PRRC2C: variants seen among roughly 807,000 people sequenced by gnomAD.
PRRC2C encodes protein PRRC2C.
A neutral mutation model predicts 317.2 loss-of-function variants in PRRC2C; 72 were observed. That is an observed-to-expected ratio of 0.23 (90% CI 0.19 to 0.28). The LOEUF is 0.28. Ranked by LOEUF, PRRC2C falls within the 10% of genes least tolerant of loss-of-function variation. The pLI is 1.00. For synonymous variants in PRRC2C, 1,296 were observed against 1,205.9 expected, an observed-to-expected ratio of 1.07 and a Z score of -1.55; for missense variants, 3,074 against 3,459.7, an observed-to-expected ratio of 0.89 and a Z score of 2.80.
Position 171,557,526 on chromosome 1 carries a change from C to T in PRRC2C, c.5414C>T (p.Ala1805Val), listed in dbSNP as rs376907162. The T allele has an allele frequency of 3.2e-6, 5 of 1,551,470 alleles. No homozygotes were observed. Among genetic ancestry groups the T allele is most frequent in the Non-Finnish European group, 3.5e-6 (4 of 1,146,972 alleles). Residue 1805 changes from alanine to valine, a missense_variant, in exon 19 of 35, where the codon GCC becomes GTC. Transcript: ENST00000647382. ...GCCTCAACCTCAGCTCCAGTTCCAGCCTCACCCTTAGCTCCAGTTTCAGCC... is the reference window on the plus strand; with the variant it reads ...GCCTCAACCTCAGCTCCAGTTCCAGTCTCACCCTTAGCTCCAGTTTCAGCC... Reference protein sequence around the residue: ...VLASTSAPVPASPLAPVSASA... With the variant: ...VLASTSAPVPVSPLAPVSASA...
At chr1:171,566,946 A>G (rs1174595363) in intron 22 of PRRC2C, 103 bp downstream of exon 22, 9 of 1,258,482 alleles carry the variant, frequency 7.2e-6, no homozygotes, top group African/African-American at 3.0e-5. Context: ...GCTGAGGCAT[A>G]TAACTCTATA....
In PRRC2C at chr1:171,558,172, G is replaced by A. The variant is rs780339605; in HGVS notation, c.6031+29G>A. ...AGTTGCAAAAGAGAAGTGAGGGGTG[G>A]GGAATGGCATAGGAATACTGAGGTT... On this transcript the variant is annotated intron_variant, in intron 19 of 34. Transcript: ENST00000647382. The A allele has an allele frequency of 5.0e-6, 8 of 1,584,708 alleles. No individual in the cohort carries two copies. The Admixed American group carries it at 8.7e-5, about 17-fold the overall frequency.
intron 22 of PRRC2C, 115 bp from the exon 23 acceptor site, chr1:171,568,132 C>A: frequency 7.4e-7 from 1 of 1,353,196 alleles, no homozygotes. Context: ...TTGCAGTGAG[C>A]TGAGATCATG....
At chr1:171,539,646 A>T (rs748714688) in intron 15 of PRRC2C, among the ~76,000 whole-genome samples, 5 of 152,118 alleles carry the variant, frequency 3.3e-5, no homozygotes, top group Non-Finnish European at 7.4e-5. Flanking sequence ...GTCCTGACTG[A>T]CTGACTTCAC....
In PRRC2C at chr1:171,540,407, C is replaced by T. The variant is rs1176837023; in HGVS notation, c.2941C>T (p.Pro981Ser). The change falls in exon 16 of 35, where the codon CCA (proline) becomes TCA (serine). Residue 981 changes from proline (P) to serine (S), a missense_variant. This residue lies in a region of PRRC2C where 1,320 missense variants were observed against 1,395.7 expected (regional missense o/e 0.95). Transcript: ENST00000647382. ...KEGFIRSSEGPKPEKVYKSKS... is the reference protein window; with the variant it reads ...KEGFIRSSEGSKPEKVYKSKS... ...AGGCTTTATACGATCTTCTGAAGGA[C>T]CAAAACCTGAAAAAGTATATAAATC... 1 of 1,613,066 alleles carries T rather than the reference C, an allele frequency of 6.2e-7. No homozygotes were observed. Among genetic ancestry groups the T allele is most frequent in the Non-Finnish European group, 8.5e-7 (1 of 1,179,584 alleles).
At position 171,593,004 on chromosome 1, in the gene PRRC2C, T is replaced by A. The variant is rs981261167; in HGVS notation, c.*1157T>A. On this transcript the variant is annotated 3_prime_UTR_variant, in exon 35 of 35. Coordinates refer to ENST00000647382, the MANE Select transcript of PRRC2C (RefSeq NM_001387844.1). ...GACCGTGCTTTATCAGAGCTGTTTT[T>A]AATGATGTTATTCTAGAATGTTTTC... 2 of 152,116 alleles carry A rather than the reference T, an allele frequency of 1.3e-5. No homozygotes were observed. The highest frequency in any genetic ancestry group is 4.8e-5 in the African/African-American group (2 of 41,446). 9.4% of individuals were successfully genotyped at this position (152,116 alleles called of 1,614,324 possible). A position where few individuals can be genotyped will look rare whatever the true frequency, so the allele number is the denominator to read the frequency against.
chr1:171,547,488 A>G (rs373193316), intron 17 of PRRC2C, among the ~76,000 whole-genome samples: 3 of 152,156 alleles, frequency 2.0e-5, no homozygotes, highest in South Asian at 2.1e-4. Flanking sequence ...ATCCTTTGAA[A>G]TGTTTGACTT....
At chr1:171,532,141 C>T (rs749750463) in intron 11 of PRRC2C, among the ~76,000 whole-genome samples, 54 of 152,082 alleles carry the variant, frequency 3.6e-4, no homozygotes, top group African/African-American at 1.1e-3. Context: ...AACATTGGAC[C>T]GCTGGATTAA....
Position 171,514,580 on chromosome 1 carries a change from C to A in PRRC2C, c.335C>A (p.Ala112Asp). ...GCACAGCCAAAACCTGGGGTTGCAGCTCCCCCAGAAGTAGCACCTGCTCCC... is the reference window on the plus strand; with the variant it reads ...GCACAGCCAAAACCTGGGGTTGCAGATCCCCCAGAAGTAGCACCTGCTCCC... ...PPAQPKPGVA[A>D]PPEVAPAPKS... Residue 112 changes from alanine to aspartate, a missense_variant, in exon 4 of 35, where the codon GCT (alanine) becomes GAT (aspartate). This residue lies in a region of PRRC2C where 237 missense variants were observed against 199.5 expected (regional missense o/e 1.19). Coordinates refer to ENST00000647382, the MANE Select transcript of PRRC2C (RefSeq NM_001387844.1). 1.3e-6 allele frequency: 2 copies of A among 1,560,892 alleles called. No individual in the cohort carries two copies. Among genetic ancestry groups the A allele is most frequent in the Non-Finnish European group, 1.7e-6 (2 of 1,152,584 alleles).
chr1:171,580,749 A>G (rs1648384631), intron 28 of PRRC2C, among the ~76,000 whole-genome samples: 1 of 152,188 alleles, frequency 6.6e-6, no homozygotes, highest in Admixed American at 6.5e-5. Flanking sequence ...TAAGAGTCAG[A>G]TAGTAGGAGC....
chr1:171,549,511 T>C (rs527973594), intron 17 of PRRC2C, among the ~76,000 whole-genome samples: 3 of 152,140 alleles, frequency 2.0e-5, no homozygotes, highest in Non-Finnish European at 4.4e-5. Context: ...TTTAAGGCAT[T>C]ACTTCTATAT....
chr1:171,588,307 G>A (rs537027702), intron 32 of PRRC2C, 72 bp from the exon 33 acceptor site: 141 of 1,505,248 alleles, frequency 9.4e-5, no homozygotes, highest in South Asian at 2.5e-4. Flanking sequence ...TACCAAGAAC[G>A]GTGTTTGCAA....
chr1:171,522,554 G>A (rs1043190788), intron 7 of PRRC2C: 1 of 177,862 alleles, frequency 5.6e-6, no homozygotes, highest in Non-Finnish European at 1.2e-5. Flanking sequence ...CGATTCGCCT[G>A]AGGTCAGGAG....
At chr1:171,512,895 C>A in intron 2 of PRRC2C, 100 bp from the exon 3 acceptor site, 2 of 1,033,634 alleles carry the variant, frequency 1.9e-6, no homozygotes, top group Non-Finnish European at 1.4e-6. Flanking sequence ...GAAAATCATT[C>A]AGGGATTGCA....
rs1649285470 is a variant in PRRC2C, at chr1:171,583,950, A to T, written c.7410-6A>T. On this transcript the variant is annotated splice_region_variant and splice_polypyrimidine_tract_variant and intron_variant, in intron 28 of 34. Transcript: ENST00000647382. Reference sequence around the variant, plus strand: ...TAACAATATTTTCTCTTTAATCCTTATGTAGATCTCAGCCAGCTTTTATGC... The same window carrying T: ...TAACAATATTTTCTCTTTAATCCTTTTGTAGATCTCAGCCAGCTTTTATGC... The T allele has an allele frequency of 6.3e-7, 1 of 1,598,594 alleles. No individual in the cohort carries two copies. The highest frequency in any genetic ancestry group is 8.6e-7 in the Non-Finnish European group (1 of 1,169,384).
chr1:171,540,671 CCACCAG>C lies in PRRC2C; in HGVS notation c.3211_3216del (p.Ala1071_Pro1072del). 1 of 1,613,984 alleles carries C rather than the reference CCACCAG, an allele frequency of 6.2e-7. No homozygotes were observed. Among genetic ancestry groups the C allele is most frequent in the South Asian group, 1.1e-5 (1 of 91,080 alleles). On this transcript the variant is annotated inframe_deletion, in exon 16 of 35. Transcript: ENST00000647382. ...TCCTCCTCCCCCACCACCACCTCAG[CCACCAG>C]CACCAATTCAGCCACAGTCAGTTCC...
chr1:171,532,874 G>A lies in PRRC2C; in HGVS notation c.1786G>A (p.Glu596Lys). 1 of 1,587,330 alleles carries A rather than the reference G, an allele frequency of 6.3e-7. No homozygotes were observed. The highest frequency in any genetic ancestry group is 1.2e-5 in the South Asian group (1 of 84,582). ...GGAATGTGAGCTGGAGAAGGAAAGG[G>A]AAAAATTAGAGGAGAAAATTGAACC... Reference protein sequence around the residue: ...EKECELEKEREKLEEKIEPRE... With the variant: ...EKECELEKERKKLEEKIEPRE... The change falls in exon 12 of 35, where the codon GAA becomes AAA. Residue 596 changes from glutamate (E) to lysine (K), a missense_variant. Transcript: ENST00000647382.
chr1:171,537,070 A>C (rs1676969859), intron 14 of PRRC2C, among the ~76,000 whole-genome samples, 193 bp from the exon 15 acceptor site: 1 of 152,192 alleles, frequency 6.6e-6, no homozygotes, highest in Non-Finnish European at 1.5e-5. Flanking sequence ...TTTTTATTTA[A>C]CAGCAGTAAT....
At position 171,533,080 on chromosome 1, in the gene PRRC2C, T is replaced by C. The variant is rs1299235943; in HGVS notation, c.1873+119T>C. The C allele has an allele frequency of 5.7e-6, 6 of 1,055,060 alleles. No homozygotes were observed. The African/African-American group carries it at 8.3e-5, about 15-fold the overall frequency. 65.4% of individuals were successfully genotyped at this position (1,055,060 alleles called of 1,614,324 possible). ...CAATATAAAAGTGATTGTTTTATGA[T>C]AGCATTTGCAGTACAAAATATGGGC... On this transcript the variant is annotated intron_variant, in intron 12 of 34. Coordinates refer to ENST00000647382, the MANE Select transcript of PRRC2C (RefSeq NM_001387844.1).
Sources: allele counts gnomAD v4.1 joint callset (sites outside exome capture counted in the v4.1 genomes callset), GRCh38; gene constraint gnomAD v4.1.1; regional missense constraint gnomAD v4.1.1; transcripts MANE v1.5; gene names NCBI Gene and HGNC (gene_info 2026-07-23, HGNC 2026-07-21).